DNAH17: variants seen among roughly 807,000 people sequenced by gnomAD.
DNAH17 encodes the protein axonemal beta dynein heavy chain 17.
In DNAH17, 376 loss-of-function variants were observed where a neutral mutation model predicts 485.6. The observed-to-expected ratio is 0.77, with a 90% CI of 0.71 to 0.84. The LOEUF (loss-of-function observed/expected upper bound fraction) is 0.84, where lower values mean the gene tolerates loss of function less well. Among genes scored for constraint, DNAH17 ranks in the 40% least tolerant of loss-of-function variants. DNAH17 has a pLI of 0.00. For missense variants in DNAH17, 6,370 were observed against 5,839.3 expected (o/e 1.09, Z -2.96); for synonymous variants, 3,031 against 2,405.9 (o/e 1.26, Z -7.60).
At chr17:78,450,983 C>G in intron 66 of DNAH17, 137 bp from the exon 67 acceptor site, 2 of 1,130,618 alleles carry the variant, frequency 1.8e-6, no homozygotes, top group Non-Finnish European at 2.5e-6. Context: ...CTGGAAGGGG[C>G]TGCAGAAGCA....
rs1032184604 is a variant in DNAH17 at position 78,500,427 on chromosome 17, T to A, written c.5518A>T (p.Ile1840Phe). ...YITLTQSLHL[I>F]MGGAPAGPAG... ...GGGCCGGCAGGGGCTCCACCCATGA[T>A]GAGATGGAGGGACTGGGTCAGGGTG... is the stretch of plus-strand genomic sequence containing the variant. The change falls in exon 36 of 81, where the codon ATC becomes TTC. Residue 1840 changes from isoleucine to phenylalanine, a missense_variant. Coordinates refer to ENST00000389840, the MANE Select transcript of DNAH17 (RefSeq NM_173628.4). The A allele has an allele frequency of 1.9e-6, 3 of 1,604,734 alleles. No homozygotes were observed. The highest frequency in any genetic ancestry group is 1.7e-6 in the Non-Finnish European group (2 of 1,175,566).
chr17:78,462,143 G>A (rs2088161187), intron 57 of DNAH17, among the ~76,000 whole-genome samples: 1 of 152,070 alleles, frequency 6.6e-6, no homozygotes, highest in African/African-American at 2.4e-5. Context: ...CTGCATCCCA[G>A]CTTGGATGAC....
In DNAH17 at chr17:78,430,008, G is replaced by A. The variant is rs141327592; in HGVS notation, c.12226-708C>T. 2.3e-3 allele frequency among the ~76,000 whole-genome samples: 354 copies of A among 152,316 alleles called. 1 individual carries two copies. The highest frequency in any genetic ancestry group is 7.1e-3 in the African/African-American group (297 of 41,578). On this transcript the variant is annotated intron_variant, in intron 75 of 80. Coordinates refer to ENST00000389840, the MANE Select transcript of DNAH17 (RefSeq NM_173628.4). Reference sequence around the variant, plus strand: ...CTCGGCAGTGTGGACCAGAGCACACGCCAGGCGACCACACGCTTCCCACCC... The same window carrying A: ...CTCGGCAGTGTGGACCAGAGCACACACCAGGCGACCACACGCTTCCCACCC...
chr17:78,527,144 A>G, intron 22 of DNAH17, 148 bp from the exon 23 acceptor site: 1 of 626,684 alleles, frequency 1.6e-6, no homozygotes, highest in Non-Finnish European at 2.7e-6. Context: ...GCACTTTGGG[A>G]GGCTGAGATG....
At position 78,561,995 on chromosome 17, in the gene DNAH17, G is replaced by A. The variant is rs756184539; in HGVS notation, c.1570-15C>T. Reference sequence around the variant, plus strand: ...ATGTACAGGAGCTGAGGACAAAGGAGAAGGGGGCCTCTTCACCACAGTCTC... The same window carrying A: ...ATGTACAGGAGCTGAGGACAAAGGAAAAGGGGGCCTCTTCACCACAGTCTC... On this transcript the variant is annotated splice_polypyrimidine_tract_variant and intron_variant, in intron 11 of 80. Coordinates refer to ENST00000389840, the MANE Select transcript of DNAH17 (RefSeq NM_173628.4). 1.1e-5 allele frequency: 17 copies of A among 1,559,490 alleles called. No homozygotes were observed. The African/African-American group carries it at 1.9e-4, about 18-fold the overall frequency.
At position 78,428,667 on chromosome 17, in the gene DNAH17, C is replaced by T. The variant is rs769034986; in HGVS notation, c.12446G>A (p.Ser4149Asn). Reference protein sequence around the residue: ...EYIDENLPPESPYLYGLHPNA... With the variant: ...EYIDENLPPENPYLYGLHPNA... ...GGGGTGCAGGCCATACAGATAGGGA[C>T]TCTCAGGGGGCAGGTTCTCATCGAT... is the stretch of plus-strand genomic sequence containing the variant. The change falls in exon 77 of 81, where the codon AGT becomes AAT. Residue 4149 changes from serine to asparagine, a missense_variant. Ser to Asn is a conservative substitution (Grantham distance 46, BLOSUM62 1). Transcript: ENST00000389840. 3 of 1,613,972 alleles carry T rather than the reference C, an allele frequency of 1.9e-6. No homozygotes were observed. Among genetic ancestry groups the T allele is most frequent in the Non-Finnish European group, 2.5e-6 (3 of 1,179,906 alleles).
At position 78,537,559 on chromosome 17, in the gene DNAH17, T is replaced by C. The variant is rs561663542; in HGVS notation, c.2677-78A>G. 4 of 1,473,524 alleles carry C rather than the reference T, an allele frequency of 2.7e-6. No individual in the cohort carries two copies. The African/African-American group carries it at 5.5e-5, about 20-fold the overall frequency. 91.3% of individuals were successfully genotyped at this position (1,473,524 alleles called of 1,614,324 possible). A position where few individuals can be genotyped will look rare whatever the true frequency, so the allele number is the denominator to read the frequency against. On this transcript the variant is annotated intron_variant, in intron 18 of 80. Transcript: ENST00000389840. ...GATTCTCAGTGCCCTGATCATCCAC[T>C]CCGTACCATCAATGTGTCACTGCCT...
In DNAH17 at chr17:78,425,696, G is replaced by A. The variant is rs948485878; in HGVS notation, c.12916-125C>T. 11 of 827,924 alleles carry A rather than the reference G, an allele frequency of 1.3e-5. No individual in the cohort carries two copies. In the African/African-American group the frequency reaches 1.8e-4, roughly 13 times the overall value. The allele number at this position is 827,924 out of a possible 1,614,324, so 51.3% of individuals were successfully genotyped here. ...ACGGGCCACTCAGCGAGCTAGAAGT[G>A]CTGGACAGAGTAGGGGCCATGGAGC... On this transcript the variant is annotated intron_variant, in intron 79 of 80. Transcript: ENST00000389840.
In DNAH17 at chr17:78,458,580, A is replaced by G; in HGVS notation, c.9962T>C (p.Ile3321Thr). 6.2e-7 allele frequency: 1 copy of G among 1,613,848 alleles called. No homozygotes were observed. The highest frequency in any genetic ancestry group is 8.5e-7 in the Non-Finnish European group (1 of 1,179,848). ...QQEADATNRV[I>T]LLANRLVGGL... Reference sequence around the variant, plus strand: ...GAGCTGATACCTGTTCGCCAGTAAGATCACCCTGTTCGTGGCATCGGCCTC... The same window carrying G: ...GAGCTGATACCTGTTCGCCAGTAAGGTCACCCTGTTCGTGGCATCGGCCTC... The change falls in exon 62 of 81, where the codon ATC (isoleucine) becomes ACC (threonine). Residue 3321 changes from isoleucine to threonine, a missense_variant. Transcript: ENST00000389840.
chr17:78,529,997 T>C (rs1035338976), intron 21 of DNAH17, among the ~76,000 whole-genome samples: 3 of 152,354 alleles, frequency 2.0e-5, no homozygotes, highest in African/African-American at 7.2e-5. Flanking sequence ...TGCTCTCTCC[T>C]GGCACTGTGC....
rs774870249 is a variant in DNAH17 at position 78,571,620 on chromosome 17, C to T, written c.702G>A (p.Arg234=). 2 of 1,613,986 alleles carry T rather than the reference C, an allele frequency of 1.2e-6. No individual in the cohort carries two copies. Among genetic ancestry groups the T allele is most frequent in the South Asian group, 1.1e-5 (1 of 91,084 alleles). The change falls in exon 4 of 81, where the codon CGG becomes CGA. Residue 234 remains arginine (R), a synonymous_variant. Coordinates refer to ENST00000389840, the MANE Select transcript of DNAH17 (RefSeq NM_173628.4). The part of the protein sequence containing the change: ...PQVEFEFWDT[R]LLNLKCIHEQ... ...CATGGATGCACTTGAGGTTCAGCAG[C>T]CGAGTGTCCCAGAACTCGAACTCCA...
chr17:78,483,777 T>C (rs1161962597), intron 48 of DNAH17, among the ~76,000 whole-genome samples: 2 of 152,130 alleles, frequency 1.3e-5, no homozygotes, highest in Non-Finnish European at 2.9e-5. Context: ...CTAGGCTCTT[T>C]TGGCCTGAGC....
intron 31 of DNAH17, among the ~76,000 whole-genome samples, chr17:78,503,973 A>C (rs2090396859): frequency 7.3e-6 from 1 of 136,488 alleles, no homozygotes; most frequent in Non-Finnish European, 1.6e-5. Context: ...TCTCAAAAAC[A>C]AACAAACAAA....
chr17:78,503,041 A>G, intron 31 of DNAH17, 30 bp from the exon 32 acceptor site: 1 of 1,597,022 alleles, frequency 6.3e-7, no homozygotes, highest in Non-Finnish European at 8.5e-7. Context: ...TGACCAATAC[A>G]GCCATGTGTG....
At chr17:78,486,544 C>T in intron 44 of DNAH17, 38 bp from the exon 45 acceptor site, 1 of 1,566,430 alleles carries the variant, frequency 6.4e-7, no homozygotes, top group South Asian at 1.2e-5. Flanking sequence ...ACAGCCGCTG[C>T]TCTGGGTCTG....
chr17:78,499,136 G>T, intron 36 of DNAH17, 24 bp from the exon 37 acceptor site: 1 of 1,515,754 alleles, frequency 6.6e-7, no homozygotes. Flanking sequence ...GATGGAGAAA[G>T]GAAGAGCTGG....
At chr17:78,564,388 G>C (rs888911913) in intron 11 of DNAH17, among the ~76,000 whole-genome samples, 1 of 152,104 alleles carries the variant, frequency 6.6e-6, no homozygotes, top group Non-Finnish European at 1.5e-5. Flanking sequence ...TTTCCACATC[G>C]GAACAGCAGC....
At position 78,530,399 on chromosome 17, in the gene DNAH17, T is replaced by C; in HGVS notation, c.3228A>G (p.Thr1076=). The change falls in exon 21 of 81, where the codon ACA becomes ACG. Residue 1076 remains threonine (T), a synonymous_variant. Transcript: ENST00000389840. ...CRPFKQALLS[T]IRRWGFMFKR... ...TGAACATGAAGCCCCAGCGCCGGAT[T>C]GTGCTGAGCAGGGCCTGCTTGAAGG... 1.2e-6 allele frequency: 2 copies of C among 1,613,556 alleles called. No individual in the cohort carries two copies. Among genetic ancestry groups the C allele is most frequent in the Non-Finnish European group, 1.7e-6 (2 of 1,179,670 alleles).
chr17:78,503,151 G>T, intron 31 of DNAH17, 140 bp from the exon 32 acceptor site: 1 of 533,322 alleles, frequency 1.9e-6, no homozygotes, highest in Non-Finnish European at 2.9e-6. Context: ...ATTTTACAGA[G>T]CAGTAACAGT....
Sources: allele counts gnomAD v4.1 joint callset (sites outside exome capture counted in the v4.1 genomes callset), GRCh38; gene constraint gnomAD v4.1.1; transcripts MANE v1.5; gene names NCBI Gene and HGNC (gene_info 2026-07-23, HGNC 2026-07-21).